Variants in MACROD2 observed in about 807,000 individuals in gnomAD.
MACROD2 encodes the protein ADP-ribose glycohydrolase MACROD2.
In MACROD2, 36 loss-of-function variants were observed where a neutral mutation model predicts 70.4. The ratio of observed to expected loss-of-function variants is 0.51; its 90% confidence interval spans 0.39 to 0.68. The LOEUF (loss-of-function observed/expected upper bound fraction) is 0.68, where lower values mean the gene tolerates loss of function less well. Ranked by LOEUF, MACROD2 falls within the 30% of genes least tolerant of loss-of-function variation. The pLI is 0.00. For synonymous variants in MACROD2, 172 were observed against 178.8 expected (o/e 0.96, Z 0.30); for missense variants, 496 against 538.4 (o/e 0.92, Z 0.78).
rs369741482 is a variant in MACROD2, at chr20:14,453,292, T to C, written c.272-40187T>C. ...TCTGATGTGTGTCCCTACTTAGCCC[T>C]GTGGATTTAGGCTCCTCTTCTTGAA... On this transcript the variant is annotated intron_variant, in intron 3 of 17. Transcript: ENST00000684519. Among the ~76,000 whole-genome samples the C allele has an allele frequency of 1.3e-4, 20 of 152,276 alleles. 1 individual carries two copies. The South Asian group carries it at 4.1e-3, about 32-fold the overall frequency.
intron 5 of MACROD2, among the ~76,000 whole-genome samples, chr20:15,208,085 A>AT (rs55672634): frequency 0.63 from 96,052 of 151,384 alleles, 31,792 homozygotes; most frequent in African/African-American, 0.81. Context: ...CTGAAACTCT[A>AT]TTTTTTTTGA....
intron 4 of MACROD2, among the ~76,000 whole-genome samples, chr20:14,531,050 G>A (rs1283931888): frequency 5.3e-5 from 8 of 152,134 alleles, no homozygotes; most frequent in Non-Finnish European, 1.0e-4. Context: ...AAAATTATAT[G>A]ACAATCTCTG....
At chr20:15,341,588 G>A (rs559332090) in intron 6 of MACROD2, among the ~76,000 whole-genome samples, 1 of 152,106 alleles carries the variant, frequency 6.6e-6, no homozygotes, top group Non-Finnish European at 1.5e-5. Flanking sequence ...GGAAAATGTT[G>A]GCAACAAATC....
rs888095425 is a variant in MACROD2 at position 14,050,983 on chromosome 20, C to T, written c.164-34638C>T. On this transcript the variant is annotated intron_variant, in intron 2 of 17. Coordinates refer to ENST00000684519, the MANE Select transcript of MACROD2 (RefSeq NM_001351661.2). ...CGTAACTAAGTACAATACCTAATGCCGTGGCGTATTAGATAAATATTTAAA... is the reference window on the plus strand; with the variant it reads ...CGTAACTAAGTACAATACCTAATGCTGTGGCGTATTAGATAAATATTTAAA... Among the ~76,000 whole-genome samples, 9 of 152,022 alleles carry T rather than the reference C, an allele frequency of 5.9e-5. No individual in the cohort carries two copies. The South Asian group carries it at 8.3e-4, about 14-fold the overall frequency.
At chr20:15,256,491 T>C (rs952245537) in intron 6 of MACROD2, among the ~76,000 whole-genome samples, 3 of 151,944 alleles carry the variant, frequency 2.0e-5, no homozygotes, top group Non-Finnish European at 4.4e-5. Flanking sequence ...GTGAGTATTG[T>C]TTTACATCTT....
intron 2 of MACROD2, among the ~76,000 whole-genome samples, chr20:14,072,407 C>T (rs924528260): frequency 8.3e-6 from 1 of 120,124 alleles, no homozygotes; most frequent in African/African-American, 3.1e-5. Context: ...AGATCATGGG[C>T]TGCCTGGGTT....
At chr20:14,908,967 A>G (rs139010568) in intron 5 of MACROD2, among the ~76,000 whole-genome samples, 7 of 152,328 alleles carry the variant, frequency 4.6e-5, no homozygotes, top group African/African-American at 1.7e-4. Context: ...TTCAGAAGGC[A>G]TGATGGGTTT....
intron 4 of MACROD2, among the ~76,000 whole-genome samples, chr20:14,669,225 C>G (rs1408850009): frequency 6.6e-6 from 1 of 152,138 alleles, no homozygotes; most frequent in Non-Finnish European, 1.5e-5. Flanking sequence ...TCCAGAGTTA[C>G]AGATACAGTG....
chr20:14,600,343 T>TATATATATATATACACAC (rs1320891260), intron 4 of MACROD2, among the ~76,000 whole-genome samples: 1 of 130,200 alleles, frequency 7.7e-6, no homozygotes, highest in African/African-American at 3.1e-5. Flanking sequence ...TATATATATA[T>TATATATATATATACACAC]ACACACACAC....
chr20:14,075,167 C>A (rs1569147242), intron 2 of MACROD2, among the ~76,000 whole-genome samples: 2 of 150,336 alleles, frequency 1.3e-5, no homozygotes, highest in African/African-American at 4.9e-5. Flanking sequence ...GTTCTGTACT[C>A]AAAAAAAAAT....
intron 8 of MACROD2, among the ~76,000 whole-genome samples, chr20:15,742,206 G>T (rs1210616597): frequency 6.6e-6 from 1 of 152,128 alleles, no homozygotes; most frequent in Non-Finnish European, 1.5e-5. Flanking sequence ...TGGGGAGCAT[G>T]CATCACTTAC....
At chr20:14,152,385 G>A (rs1303693296) in intron 3 of MACROD2, among the ~76,000 whole-genome samples, 1 of 150,732 alleles carries the variant, frequency 6.6e-6, no homozygotes, top group Non-Finnish European at 1.5e-5. Context: ...AACAATAATT[G>A]CATTTTTAGT....
intron 5 of MACROD2, among the ~76,000 whole-genome samples, chr20:15,220,383 A>G (rs983466745): frequency 2.0e-5 from 3 of 152,266 alleles, no homozygotes; most frequent in African/African-American, 7.2e-5. Context: ...ACAGACATAG[A>G]TTTGTCATAT....
intron 6 of MACROD2, among the ~76,000 whole-genome samples, chr20:15,269,520 C>T (rs1300842285): frequency 6.6e-6 from 1 of 152,308 alleles, no homozygotes; most frequent in Non-Finnish European, 1.5e-5. Context: ...TACTGCTTTG[C>T]CATTAGGGGA....
intron 4 of MACROD2, among the ~76,000 whole-genome samples, chr20:14,576,736 A>G (rs1980627193): frequency 6.6e-6 from 1 of 152,200 alleles, no homozygotes; most frequent in African/African-American, 2.4e-5. Flanking sequence ...CCCCCTTTTA[A>G]AACTTCTGGT....
At chr20:15,610,787 G>T (rs758316056) in intron 8 of MACROD2, among the ~76,000 whole-genome samples, 2 of 152,028 alleles carry the variant, frequency 1.3e-5, no homozygotes, top group Non-Finnish European at 2.9e-5. Context: ...ACTGCAGCCT[G>T]TTCTCCAACC....
intron 13 of MACROD2, among the ~76,000 whole-genome samples, chr20:15,970,784 C>A (rs944986394): frequency 1.3e-5 from 2 of 152,148 alleles, no homozygotes; most frequent in African/African-American, 4.8e-5. Context: ...AGAGTGATAA[C>A]TGGAGCTTAC....
intron 15 of MACROD2, among the ~76,000 whole-genome samples, chr20:16,009,839 G>T (rs1015834548): frequency 2.0e-5 from 3 of 152,056 alleles, no homozygotes; most frequent in African/African-American, 7.2e-5. Flanking sequence ...CATTCTTTCT[G>T]CCGCCCATCC....
rs1396371909 is a variant in MACROD2 at position 15,848,986 on chromosome 20, T to C, written c.646-13759T>C. 2.6e-5 allele frequency among the ~76,000 whole-genome samples: 4 copies of C among 152,146 alleles called. No homozygotes were observed. The East Asian group carries it at 7.7e-4, about 29-fold the overall frequency. ...CTGGCATTTAAAGAGAGAGATGATA[T>C]GAAATAGCTACAAGTTCATAAAGAT... On this transcript the variant is annotated intron_variant, in intron 8 of 17. Transcript: ENST00000684519.
Sources: allele counts gnomAD v4.1 joint callset (sites outside exome capture counted in the v4.1 genomes callset), GRCh38; gene constraint gnomAD v4.1.1; transcripts MANE v1.5; gene names NCBI Gene and HGNC (gene_info 2026-07-23, HGNC 2026-07-21).